Variants in CAPN2 observed in about 807,000 individuals in gnomAD.
The protein encoded by CAPN2 is calpain-2 catalytic subunit.
A neutral mutation model predicts 102.3 loss-of-function variants in CAPN2; 92 were observed. That is an observed-to-expected ratio of 0.90 (90% CI 0.76 to 1.07). The LOEUF is 1.07. CAPN2 is among the 50% of genes least tolerant of loss of function. The pLI is 0.00. For synonymous variants in CAPN2, 340 were observed against 355.4 expected, an observed-to-expected ratio of 0.96 and a Z score of 0.49; for missense variants, 800 against 909.4, an observed-to-expected ratio of 0.88 and a Z score of 1.55.
Position 223,755,625 on chromosome 1 carries a change from C to G in CAPN2, c.1281C>G (p.His427Gln). Residue 427 changes from histidine to glutamine, a missense_variant, in exon 10 of 21, where the codon CAC becomes CAG. His to Gln is a conservative substitution (Grantham distance 24, BLOSUM62 0). Coordinates refer to ENST00000295006, the MANE Select transcript of CAPN2 (RefSeq NM_001748.5). The surrounding 1 kb of genome is among the most constrained non-coding windows in gnomAD (Gnocchi z 4.1). ...RRQRKMGEDM[H>Q]TIGFGIYEVP... is the part of the protein sequence containing the mutation. ...AGAGGAAGATGGGCGAGGACATGCA[C>G]ACCATCGGCTTTGGCATCTATGAGG... 1 of 1,604,818 alleles carries G rather than the reference C, an allele frequency of 6.2e-7. No individual in the cohort carries two copies. The highest frequency in any genetic ancestry group is 8.5e-7 in the Non-Finnish European group (1 of 1,175,670).
intron 18 of CAPN2, 193 bp from the exon 19 acceptor site, chr1:223,771,616 A>G: frequency 1.7e-6 from 1 of 575,932 alleles, no homozygotes; most frequent in Non-Finnish European, 3.1e-6. Flanking sequence ...GTGAAGGTGG[A>G]CAGTTCAAAA....
rs1661115798 is a variant in CAPN2 at position 223,759,038 on chromosome 1, C to G, written c.1318-232C>G. The G allele has an allele frequency of 1.8e-6, 1 of 558,108 alleles. No homozygotes were observed. Among genetic ancestry groups the G allele is most frequent in the Non-Finnish European group, 3.2e-6 (1 of 310,958 alleles). The allele number at this position is 558,108 out of a possible 1,614,324, so 34.6% of individuals were successfully genotyped here. A position where few individuals can be genotyped will look rare whatever the true frequency, so the allele number is the denominator to read the frequency against. Reference sequence around the variant, plus strand: ...TGACCCAGGCATTGTCACTGTACTGCTATTTTTTTAAAAAAATTTTGTTGT... The same window carrying G: ...TGACCCAGGCATTGTCACTGTACTGGTATTTTTTTAAAAAAATTTTGTTGT... On this transcript the variant is annotated intron_variant, in intron 11 of 20. Transcript: ENST00000295006. This position sits in a 1 kb window ranked among gnomAD's most constrained non-coding sequence, Gnocchi z 4.6.
rs556721976 is a variant in CAPN2, at chr1:223,762,207, A to G, written c.1588A>G (p.Ile530Val). The change falls in exon 14 of 21, where the codon ATT (isoleucine) becomes GTT (valine). Residue 530 changes from isoleucine (I) to valine (V), a missense_variant. Transcript: ENST00000295006. ...CCAGTTCGACATCAGCGAGGATGAC[A>G]TTGATGATGGATTCAGGAGACTGTT... ...LEEFDISEDD[I>V]DDGFRRLFAQ... 2.7e-5 allele frequency: 43 copies of G among 1,613,916 alleles called. No homozygotes were observed. Among genetic ancestry groups the G allele is most frequent in the Non-Finnish European group, 3.6e-5 (42 of 1,179,940 alleles).
In CAPN2 at chr1:223,712,732, A is replaced by T; in HGVS notation, c.92A>T (p.Asp31Val). Residue 31 changes from aspartate (D) to valine (V), a missense_variant, in exon 1 of 21, where the codon GAC (aspartate) becomes GTC (valine). Physicochemically the swap from Asp to Val is radical, Grantham distance 152 (BLOSUM62 -3). Coordinates refer to ENST00000295006, the MANE Select transcript of CAPN2 (RefSeq NM_001748.5). ...AGGGCCATCAAGTACCTCAACCAGG[A>T]CTACGAGGCGCTGCGGAACGAGTGC... The part of the protein sequence containing the change: ...HDRAIKYLNQ[D>V]YEALRNECLE... The T allele has an allele frequency of 6.3e-7, 1 of 1,588,204 alleles. No homozygotes were observed. Among genetic ancestry groups the T allele is most frequent in the Non-Finnish European group, 8.6e-7 (1 of 1,169,260 alleles).
chr1:223,771,524 G>A (rs146831111), intron 18 of CAPN2: 5 of 345,648 alleles, frequency 1.4e-5, no homozygotes, highest in Non-Finnish European at 2.6e-5. Flanking sequence ...CAGCAGCATG[G>A]TTAACAACAT....
At chr1:223,751,414 G>T (rs1660894414) in intron 7 of CAPN2, among the ~76,000 whole-genome samples, 1 of 152,200 alleles carries the variant, frequency 6.6e-6, no homozygotes, top group African/African-American at 2.4e-5. Flanking sequence ...ACTATTTGGG[G>T]TAAACACTTG....
intron 1 of CAPN2, among the ~76,000 whole-genome samples, chr1:223,714,746 T>G (rs1486800503): frequency 6.6e-6 from 1 of 152,204 alleles, no homozygotes; most frequent in East Asian, 1.9e-4. Flanking sequence ...ATTCATTCAG[T>G]AAGCATTTCT....
intron 11 of CAPN2, chr1:223,758,276 A>G (rs1182404568): frequency 6.6e-6 from 1 of 152,244 alleles, no homozygotes; most frequent in Non-Finnish European, 1.5e-5. Context: ...GCTGAAGCAG[A>G]TGGGATGCCT....
At chr1:223,769,971 A>T in intron 17 of CAPN2, 62 bp downstream of exon 17, 2 of 1,249,270 alleles carry the variant, frequency 1.6e-6, no homozygotes, top group Non-Finnish European at 2.3e-6. Flanking sequence ...ATGCTTTAAG[A>T]TGCAGCAACT....
rs1661605270 is a variant in CAPN2 at position 223,775,803 on chromosome 1, G to A, written c.*946G>A. On this transcript the variant is annotated 3_prime_UTR_variant, in exon 21 of 21. Coordinates refer to ENST00000295006, the MANE Select transcript of CAPN2 (RefSeq NM_001748.5). ...CTTGTTGCCTTATCTTCTTCCAAATGTACTGTTAAATAAAAATAAAGGGTT... is the reference window on the plus strand; with the variant it reads ...CTTGTTGCCTTATCTTCTTCCAAATATACTGTTAAATAAAAATAAAGGGTT... The A allele has an allele frequency of 6.6e-6, 1 of 152,498 alleles. No individual in the cohort carries two copies. The highest frequency in any genetic ancestry group is 2.4e-5 in the African/African-American group (1 of 41,396). 9.4% of individuals were successfully genotyped at this position (152,498 alleles called of 1,614,324 possible).
chr1:223,702,125 G>GGAAGGAAGGAAGGAAA (rs386369761), intron 1 of CAPN2, among the ~76,000 whole-genome samples: 6 of 141,200 alleles, frequency 4.2e-5, no homozygotes, highest in African/African-American at 1.6e-4. Flanking sequence ...AAGGAAGGAA[G>GGAAGGAAGGAAGGAAA]GAAGGAAGGA....
chr1:223,710,038 G>C (rs955726023), upstream of CAPN2, among the ~76,000 whole-genome samples: 12 of 152,268 alleles, frequency 7.9e-5, no homozygotes, highest in East Asian at 2.3e-3. Flanking sequence ...ACTTTGGGAA[G>C]CTGAGGCAGG....
At chr1:223,746,265 C>T (rs909223313) in intron 4 of CAPN2, among the ~76,000 whole-genome samples, 4 of 152,198 alleles carry the variant, frequency 2.6e-5, no homozygotes, top group African/African-American at 9.7e-5. Flanking sequence ...CCAGCATCAG[C>T]AGTCAGGAGC....
chr1:223,767,481 T>C (rs1388887949), intron 16 of CAPN2, among the ~76,000 whole-genome samples: 2 of 149,798 alleles, frequency 1.3e-5, no homozygotes, highest in Admixed American at 6.6e-5. Context: ...AGAATGATGA[T>C]TTCCAATTTC....
chr1:223,715,309 G>A (rs1659847994), intron 1 of CAPN2, among the ~76,000 whole-genome samples: 1 of 152,158 alleles, frequency 6.6e-6, no homozygotes, highest in Non-Finnish European at 1.5e-5. Flanking sequence ...ATTTAAGAAG[G>A]ACCCCCGGGA....
At position 223,768,927 on chromosome 1, in the gene CAPN2, G is replaced by T. The variant is rs999108509; in HGVS notation, c.1756-914G>T. On this transcript the variant is annotated intron_variant, in intron 16 of 20. Transcript: ENST00000295006. ...CATCCCTTGTAAGTTGGATAAGATCGTCTTCTTGATTTAGATAAGGGCTAC... is the reference window on the plus strand; with the variant it reads ...CATCCCTTGTAAGTTGGATAAGATCTTCTTCTTGATTTAGATAAGGGCTAC... Among the ~76,000 whole-genome samples the T allele has an allele frequency of 2.0e-5, 3 of 152,042 alleles. No homozygotes were observed. The South Asian group carries it at 6.2e-4, about 32-fold the overall frequency.
At chr1:223,711,396 G>A (rs1659723823), upstream of CAPN2, among the ~76,000 whole-genome samples, 2 of 152,300 alleles carry the variant, frequency 1.3e-5, no homozygotes, top group South Asian at 4.1e-4. Flanking sequence ...AGCCAACACA[G>A]GCAGTATTCT....
At chr1:223,773,901 G>A (rs1054463333) in intron 20 of CAPN2, among the ~76,000 whole-genome samples, 13 of 151,934 alleles carry the variant, frequency 8.6e-5, no homozygotes, top group Admixed American at 2.6e-4. Context: ...AGGCATGGTG[G>A]TGCGTGCCTG....
At chr1:223,721,472 T>C (rs1571783993) in intron 2 of CAPN2, among the ~76,000 whole-genome samples, 2 of 152,232 alleles carry the variant, frequency 1.3e-5, no homozygotes, top group Non-Finnish European at 2.9e-5. Context: ...CAGGAAGGCA[T>C]AGGTCACCTT....
Sources: gnomAD v4.1 joint callset for allele counts (sites outside exome capture counted in the v4.1 genomes callset) on GRCh38, gnomAD v4.1.1 for gene constraint, Gnocchi (gnomAD v3.1) non-coding constraint, MANE v1.5 for transcripts, NCBI Gene and HGNC (gene_info 2026-07-23, HGNC 2026-07-21) for gene names.